Variants in DAB1 observed in about 807,000 individuals in gnomAD.
The protein encoded by DAB1 is DAB adaptor protein 1.
DAB1 carries 15 observed loss-of-function variants against 64.6 expected under a neutral mutation model. The observed-to-expected ratio is 0.23, with a 90% CI of 0.16 to 0.36. DAB1 has a LOEUF of 0.36. DAB1 is among the 10% of genes least tolerant of loss of function. The pLI is 1.00. For synonymous variants in DAB1, 235 were observed against 251.9 expected, an observed-to-expected ratio of 0.93 and a Z score of 0.64; for missense variants, 596 against 706.7, an observed-to-expected ratio of 0.84 and a Z score of 1.78.
intron 7 of DAB1, among the ~76,000 whole-genome samples, chr1:57,519,300 C>G (rs1407069278): frequency 6.6e-6 from 1 of 152,156 alleles, no homozygotes; most frequent in African/African-American, 2.4e-5. Flanking sequence ...GACAGGTGGG[C>G]AAGTTGAGAT....
chr1:57,571,683 G>A (rs2101534461), intron 7 of DAB1, among the ~76,000 whole-genome samples: 1 of 152,334 alleles, frequency 6.6e-6, no homozygotes, highest in Non-Finnish European at 1.5e-5. Context: ...AAGGCATTGG[G>A]AGATGTGAAA....
At position 57,688,571 on chromosome 1, in the gene DAB1, A is replaced by G. The variant is rs1646727576; in HGVS notation, n.552-38906T>C. ...CCAGCAATACCATTACTGGGTACGT[A>G]CCCAAAGGAAAATAGATCATTATAC... On this transcript the variant is annotated intron_variant and non_coding_transcript_variant, in intron 6 of 20. Coordinates refer to the DAB1 transcript ENST00000485760. Among the ~76,000 whole-genome samples the G allele has an allele frequency of 1.3e-5, 2 of 152,150 alleles. 1 individual carries two copies. The highest frequency in any genetic ancestry group is 4.1e-4 in the South Asian group (2 of 4,828).
intron 9 of DAB1, among the ~76,000 whole-genome samples, chr1:57,053,713 A>G (rs1221128799): frequency 9.4e-6 from 1 of 106,892 alleles, no homozygotes; most frequent in African/African-American, 3.8e-5. Flanking sequence ...TTTGAGACGG[A>G]GTCTCACTCT....
intron 5 of DAB1, among the ~76,000 whole-genome samples, chr1:57,962,741 G>A (rs762369186): frequency 2.0e-5 from 3 of 151,310 alleles, no homozygotes; most frequent in Non-Finnish European, 4.4e-5. Context: ...GCATGTGCCT[G>A]TAGTTCCTGT....
chr1:57,528,945 A>T (rs1470220271), intron 7 of DAB1, among the ~76,000 whole-genome samples: 1 of 152,162 alleles, frequency 6.6e-6, no homozygotes, highest in Non-Finnish European at 1.5e-5. Context: ...CTAAGGGGAA[A>T]CAATACCAGA....
chr1:57,322,763 A>C (rs1054340242), intron 1 of DAB1, among the ~76,000 whole-genome samples: 3 of 152,212 alleles, frequency 2.0e-5, no homozygotes, highest in Non-Finnish European at 4.4e-5. Flanking sequence ...CCACACAATA[A>C]GCGTGATGAC....
chr1:57,430,064 AT>A (rs1553181144), intron 7 of DAB1, among the ~76,000 whole-genome samples: 1 of 152,178 alleles, frequency 6.6e-6, no homozygotes, highest in Non-Finnish European at 1.5e-5. Context: ...GAATCTATCA[AT>A]TGCTTTGGAT....
chr1:57,120,816 C>G (rs1656568560), intron 4 of DAB1, among the ~76,000 whole-genome samples: 1 of 152,108 alleles, frequency 6.6e-6, no homozygotes, highest in African/African-American at 2.4e-5. Context: ...GAGTAGGAGT[C>G]CATTGCATGT....
intron 5 of DAB1, among the ~76,000 whole-genome samples, chr1:58,127,401 T>C (rs1196053902): frequency 1.3e-5 from 2 of 151,466 alleles, no homozygotes; most frequent in Non-Finnish European, 3.0e-5. Flanking sequence ...TTCTCCCATT[T>C]TGTAGGTTGC....
At chr1:57,479,775 T>C (rs1450919852) in intron 7 of DAB1, among the ~76,000 whole-genome samples, 5 of 152,112 alleles carry the variant, frequency 3.3e-5, no homozygotes, top group Non-Finnish European at 5.9e-5. Flanking sequence ...CTTCTCCACA[T>C]GGTGTCTCTA....
intron 7 of DAB1, among the ~76,000 whole-genome samples, chr1:57,605,585 T>C (rs1645626760): frequency 6.6e-6 from 1 of 152,224 alleles, no homozygotes; most frequent in Non-Finnish European, 1.5e-5. Flanking sequence ...CAAGTGCAAG[T>C]TCCACTTCTT....
At chr1:58,430,631 G>C (rs1232649331) in intron 3 of DAB1, among the ~76,000 whole-genome samples, 4 of 152,200 alleles carry the variant, frequency 2.6e-5, no homozygotes, top group Non-Finnish European at 4.4e-5. Flanking sequence ...TGGGCCCTGA[G>C]AGTGACAAGA....
intron 7 of DAB1, among the ~76,000 whole-genome samples, chr1:57,458,861 G>A (rs1457525872): frequency 6.6e-6 from 1 of 151,914 alleles, no homozygotes; most frequent in Non-Finnish European, 1.5e-5. Context: ...AACCAAAATT[G>A]ATGTTTAAAG....
In DAB1 at chr1:58,023,011, C is replaced by T. The variant is rs115998571; in HGVS notation, n.387+127500G>A. ...GGTGTGAAGGATTAATGATAATTCA[C>T]ATACTCAACATTTCAGTCCAACTAA... On this transcript the variant is annotated intron_variant and non_coding_transcript_variant, in intron 5 of 20. Coordinates refer to the DAB1 transcript ENST00000485760. 5.7e-3 allele frequency among the ~76,000 whole-genome samples: 871 copies of T among 152,298 alleles called. 1 individual carries two copies. Among genetic ancestry groups the T allele is most frequent in the Middle Eastern group, 0.014 (4 of 294 alleles).
At chr1:57,248,647 T>C (rs906072966) in intron 2 of DAB1, among the ~76,000 whole-genome samples, 1 of 152,210 alleles carries the variant, frequency 6.6e-6, no homozygotes, top group East Asian at 1.9e-4. Flanking sequence ...TCCTGCCGTG[T>C]AATTCTCAGC....
chr1:57,963,359 G>T (rs180919317), intron 5 of DAB1, among the ~76,000 whole-genome samples: 80 of 152,290 alleles, frequency 5.3e-4, no homozygotes, highest in African/African-American at 1.9e-3. Context: ...TGGAAAAAGT[G>T]ACATTAGGCT....
At chr1:58,060,168 G>A (rs964551363) in intron 5 of DAB1, 3 of 152,482 alleles carry the variant, frequency 2.0e-5, no homozygotes, top group Admixed American at 6.5e-5. Flanking sequence ...CCAAAGATCA[G>A]GCGAGTCCAG....
rs139482716 is a variant in DAB1, at chr1:57,841,384, G to A, written n.88-14929C>T. 2.3e-3 allele frequency among the ~76,000 whole-genome samples: 346 copies of A among 152,292 alleles called. 6 individuals carry two copies. The South Asian group carries it at 0.039, about 17-fold the overall frequency. On this transcript the variant is annotated intron_variant and non_coding_transcript_variant, in intron 1 of 1. Transcript: ENST00000477280. ...GTCTGGGGTCTGGAGGATGATGGCC[G>A]TCTTCTCACAGCTCCACTAGGCAGT...
intron 5 of DAB1, among the ~76,000 whole-genome samples, chr1:57,908,866 G>A (rs1046343612): frequency 1.3e-5 from 2 of 152,108 alleles, no homozygotes; most frequent in Non-Finnish European, 2.9e-5. Flanking sequence ...TTAGCCCTCT[G>A]ACCCAATTAT....
Sources: allele counts gnomAD v4.1 joint callset (sites outside exome capture counted in the v4.1 genomes callset), GRCh38; gene constraint gnomAD v4.1.1; transcripts MANE v1.5; gene names NCBI Gene and HGNC (gene_info 2026-07-23, HGNC 2026-07-21).